SPON1: variants seen among roughly 807,000 people sequenced by gnomAD.
The protein encoded by SPON1 is spondin-1.
A neutral mutation model predicts 111.7 loss-of-function variants in SPON1; 52 were observed. The observed-to-expected ratio is 0.47, with a 90% CI of 0.37 to 0.59. SPON1 has a LOEUF of 0.59. Among genes scored for constraint, SPON1 ranks in the 20% least tolerant of loss-of-function variants. SPON1 has a pLI of 0.00. For synonymous variants in SPON1, 410 were observed against 395.8 expected (o/e 1.04, Z -0.43); for missense variants, 957 against 1,068.5 (o/e 0.90, Z 1.46).
intron 7 of SPON1, among the ~76,000 whole-genome samples, chr11:14,247,526 G>A (rs1237153219): frequency 6.6e-6 from 1 of 152,230 alleles, no homozygotes; most frequent in African/African-American, 2.4e-5. Context: ...AGCCCAGTGA[G>A]GGGGGCTACT....
intron 4 of SPON1, among the ~76,000 whole-genome samples, chr11:14,075,643 CCTTATAT>C (rs1278373376): frequency 1.3e-5 from 2 of 152,072 alleles, no homozygotes; most frequent in East Asian, 3.9e-4. Context: ...AGATAATGTA[CCTTATAT>C]TGGTGTCGTC....
At chr11:14,157,100 A>T (rs899953554) in intron 6 of SPON1, among the ~76,000 whole-genome samples, 9 of 152,156 alleles carry the variant, frequency 5.9e-5, no homozygotes, top group African/African-American at 2.2e-4. Flanking sequence ...CATTATTAGT[A>T]TTGCTTTGCC....
chr11:14,118,511 G>T (rs1849282258), intron 5 of SPON1, among the ~76,000 whole-genome samples: 3 of 152,188 alleles, frequency 2.0e-5, no homozygotes, highest in South Asian at 4.1e-4. Flanking sequence ...ATGAGAATTA[G>T]GTTAGTAGCT....
At chr11:14,222,345 C>A (rs1004124554) in intron 6 of SPON1, among the ~76,000 whole-genome samples, 2 of 152,218 alleles carry the variant, frequency 1.3e-5, no homozygotes, top group Non-Finnish European at 2.9e-5. Flanking sequence ...TCATAGGATG[C>A]ACTTTAACAT....
intron 2 of SPON1, among the ~76,000 whole-genome samples, chr11:14,029,526 GC>G (rs1466097445): frequency 5.3e-5 from 8 of 152,122 alleles, no homozygotes; most frequent in Non-Finnish European, 1.0e-4. Context: ...AAAAGGAAAA[GC>G]AACTCTCAGC....
intron 6 of SPON1, among the ~76,000 whole-genome samples, chr11:14,193,132 A>G (rs1226317140): frequency 1.3e-5 from 2 of 152,230 alleles, no homozygotes; most frequent in East Asian, 3.8e-4. Context: ...TATTGGACAC[A>G]GTTGAGATCA....
At chr11:14,197,520 T>C (rs548722595) in intron 6 of SPON1, among the ~76,000 whole-genome samples, 48 of 135,456 alleles carry the variant, frequency 3.5e-4, no homozygotes, top group African/African-American at 1.1e-3. Flanking sequence ...AATAAATAAA[T>C]AAACAAGTGG....
intron 7 of SPON1, among the ~76,000 whole-genome samples, chr11:14,245,282 C>T (rs1848976571): frequency 6.6e-6 from 1 of 152,108 alleles, no homozygotes. Context: ...CTCATTTAAC[C>T]ATTCAGCAAA....
chr11:14,152,656 T>C (rs1382486595), intron 6 of SPON1, among the ~76,000 whole-genome samples: 3 of 152,258 alleles, frequency 2.0e-5, no homozygotes, highest in African/African-American at 7.2e-5. Context: ...AATCATTTCA[T>C]AGGATTTCAT....
chr11:14,220,022 G>A, intron 6 of SPON1, among the ~76,000 whole-genome samples: 1 of 151,808 alleles, frequency 6.6e-6, no homozygotes, highest in Non-Finnish European at 1.5e-5. Context: ...AAGAGGTGGA[G>A]GTTGCGGTGA....
intron 1 of SPON1, among the ~76,000 whole-genome samples, chr11:13,979,698 G>C (rs1239933733): frequency 3.3e-5 from 5 of 152,194 alleles, no homozygotes; most frequent in Non-Finnish European, 5.9e-5. Context: ...AGTAACCTGA[G>C]GACCAGGGAC....
intron 2 of SPON1, among the ~76,000 whole-genome samples, chr11:14,015,202 A>G (rs1848436149): frequency 6.6e-6 from 1 of 152,240 alleles, no homozygotes; most frequent in African/African-American, 2.4e-5. Flanking sequence ...AGATTGGGTT[A>G]TTTATAAAGA....
chr11:14,180,458 C>T (rs1554933588), intron 6 of SPON1, among the ~76,000 whole-genome samples: 1 of 152,218 alleles, frequency 6.6e-6, no homozygotes, highest in African/African-American at 2.4e-5. Context: ...TTTGCCCTTG[C>T]AGTTCCTTCC....
rs565195037 is a variant in SPON1 at position 14,208,358 on chromosome 11, TA to T, written c.826-34963del. On this transcript the variant is annotated intron_variant, in intron 6 of 15. Coordinates refer to ENST00000576479, the MANE Select transcript of SPON1 (RefSeq NM_006108.4). ...CACATGTACCCCTGAACTTAAAAGTTAAAAAAAAAAAGTTGTTCCTCATTTT... is the reference window on the plus strand; with the variant it reads ...CACATGTACCCCTGAACTTAAAAGTTAAAAAAAAAAGTTGTTCCTCATTTT... Among the ~76,000 whole-genome samples the T allele has an allele frequency of 4.7e-3, 697 of 147,084 alleles. 2 individuals carry two copies. Among genetic ancestry groups the T allele is most frequent in the Middle Eastern group, 0.014 (4 of 290 alleles).
chr11:14,174,492 A>C (rs536599988), intron 6 of SPON1, among the ~76,000 whole-genome samples: 1 of 152,236 alleles, frequency 6.6e-6, no homozygotes, highest in South Asian at 2.1e-4. Context: ...TTTGATTTTG[A>C]GAGGGATTTA....
At chr11:14,226,110 C>T (rs1418172223) in intron 6 of SPON1, among the ~76,000 whole-genome samples, 1 of 152,146 alleles carries the variant, frequency 6.6e-6, no homozygotes, top group East Asian at 1.9e-4. Context: ...TTTGAGTTCA[C>T]TTTAGTCCAT....
chr11:14,217,014 G>T (rs1056909060), intron 6 of SPON1, among the ~76,000 whole-genome samples: 2 of 152,216 alleles, frequency 1.3e-5, no homozygotes, highest in African/African-American at 4.8e-5. Context: ...ACCAAACAAT[G>T]CCATCTCAGT....
At chr11:14,092,622 G>T (rs984302555) in intron 5 of SPON1, among the ~76,000 whole-genome samples, 9 of 152,230 alleles carry the variant, frequency 5.9e-5, no homozygotes, top group African/African-American at 1.9e-4. Context: ...TCTAGGAGGG[G>T]CTAGATGTGG....
At chr11:14,161,932 T>C (rs535740484) in intron 6 of SPON1, among the ~76,000 whole-genome samples, 1 of 151,770 alleles carries the variant, frequency 6.6e-6, no homozygotes, top group African/African-American at 2.4e-5. Flanking sequence ...GTGGGGCAGA[T>C]CACTTGAGGT....
Sources: gnomAD v4.1 joint callset for allele counts (sites outside exome capture counted in the v4.1 genomes callset) on GRCh38, gnomAD v4.1.1 for gene constraint, MANE v1.5 for transcripts, NCBI Gene and HGNC (gene_info 2026-07-23, HGNC 2026-07-21) for gene names.